Variants in PCDH11X observed in about 807,000 individuals in gnomAD.
PCDH11X encodes the protein protocadherin-11 X-linked.
Under a neutral mutation model 53.3 loss-of-function variants are expected in PCDH11X, and 18 were observed. The observed-to-expected ratio is 0.34, with a 90% CI of 0.23 to 0.50. PCDH11X has a LOEUF of 0.50. PCDH11X is among the 20% of genes least tolerant of loss of function. The pLI, the probability that PCDH11X is intolerant of heterozygous loss-of-function variation, is 0.98. For missense variants in PCDH11X, 570 were observed against 1,032.4 expected (o/e 0.55, Z 6.14); for synonymous variants, 279 against 393.3 (o/e 0.71, Z 3.44).
intron 10 of PCDH11X, among the ~76,000 whole-genome samples, chrX:92,546,467 G>A (rs183875806): frequency 0.01 from 1,107 of 110,580 alleles, 31 homozygotes; most frequent in Admixed American, 0.084. Flanking sequence ...CAATAAAAAT[G>A]TAAATCATAT....
intron 9 of PCDH11X, among the ~76,000 whole-genome samples, chrX:92,403,710 A>C (rs1248442111): frequency 1.8e-5 from 2 of 111,259 alleles, no homozygotes; most frequent in Non-Finnish European, 3.8e-5. Flanking sequence ...GTCACTGCAA[A>C]TGTGTTTTTT....
chrX:91,998,552 CTTTA>C (rs2062457167), intron 6 of PCDH11X, among the ~76,000 whole-genome samples: 1 of 108,722 alleles, frequency 9.2e-6, no homozygotes, highest in African/African-American at 3.3e-5. Flanking sequence ...TATCAATCAT[CTTTA>C]TTGTTTTTTT....
chrX:92,287,834 T>G, intron 8 of PCDH11X: 1 of 443,459 alleles, frequency 2.3e-6, no homozygotes, highest in South Asian at 3.5e-5. Flanking sequence ...TGGTGGGAAG[T>G]GATTGGCTCA....
At chrX:92,046,604 G>A (rs2063292734) in intron 6 of PCDH11X, among the ~76,000 whole-genome samples, 1 of 110,762 alleles carries the variant, frequency 9.0e-6, no homozygotes, top group Admixed American at 9.6e-5. Context: ...TGTGTTGGCT[G>A]ATCCAAAAAT....
chrX:91,824,755 T>A (rs1266564417), intron 4 of PCDH11X, among the ~76,000 whole-genome samples: 2 of 108,935 alleles, frequency 1.8e-5, no homozygotes, highest in African/African-American at 7.0e-5. Context: ...GGCGCTCTGC[T>A]TTTTAGAATT....
chrX:92,188,939 A>C (rs993694332), intron 6 of PCDH11X, among the ~76,000 whole-genome samples: 9 of 111,708 alleles, frequency 8.1e-5, no homozygotes, highest in African/African-American at 2.9e-4. Context: ...AATATAATTT[A>C]ATATAGTCAA....
At position 92,620,976 on chromosome X, in the gene PCDH11X, A is replaced by G. The variant is rs187480073; in HGVS notation, c.*2036A>G. On this transcript the variant is annotated 3_prime_UTR_variant, in exon 11 of 11. Coordinates refer to ENST00000682573, the MANE Select transcript of PCDH11X (RefSeq NM_032968.5). Reference sequence around the variant, plus strand: ...AAAATTTTAAACTTGGGGAAGATTAAGAAAAGAACCAATAGTGACAAAAAT... The same window carrying G: ...AAAATTTTAAACTTGGGGAAGATTAGGAAAAGAACCAATAGTGACAAAAAT... The G allele has an allele frequency of 3.7e-5, 4 of 108,370 alleles. No homozygotes were observed. Among genetic ancestry groups the G allele is most frequent in the African/African-American group, 1.4e-4 (4 of 29,342 alleles). 8.9% of individuals were successfully genotyped at this position (108,370 alleles called of 1,213,427 possible).
intron 7 of PCDH11X, among the ~76,000 whole-genome samples, chrX:92,256,625 C>A (rs750419092): frequency 9.0e-6 from 1 of 110,943 alleles, no homozygotes; most frequent in Non-Finnish European, 1.9e-5. Context: ...AAATGTGTGC[C>A]GTGGTGGTTT....
At chrX:92,432,405 G>A (rs191570633) in intron 9 of PCDH11X, among the ~76,000 whole-genome samples, 4,652 of 109,291 alleles carry the variant, frequency 0.043, 109 homozygotes, top group Non-Finnish European at 0.066. Context: ...ATTCTCCAGC[G>A]TATGATATTA....
At chrX:92,304,641 A>C (rs1203642736) in intron 8 of PCDH11X, among the ~76,000 whole-genome samples, 1 of 111,733 alleles carries the variant, frequency 8.9e-6, no homozygotes, top group Non-Finnish European at 1.9e-5. Context: ...CTTATTCTTC[A>C]GAGGATGAAA....
chrX:92,333,883 G>T (rs973043452), intron 8 of PCDH11X, among the ~76,000 whole-genome samples: 1 of 107,178 alleles, frequency 9.3e-6, no homozygotes, highest in Non-Finnish European at 1.9e-5. Context: ...TTTGAGTTGG[G>T]ATCTACTTTA....
chrX:92,008,982 C>G (rs2062645946), intron 6 of PCDH11X, among the ~76,000 whole-genome samples: 2 of 111,864 alleles, frequency 1.8e-5, no homozygotes, highest in South Asian at 7.3e-4. Context: ...TCGGAACAAA[C>G]AAACTCAAAA....
intron 6 of PCDH11X, among the ~76,000 whole-genome samples, chrX:92,160,338 A>C (rs778991491): frequency 4.5e-5 from 5 of 110,240 alleles, no homozygotes; most frequent in Non-Finnish European, 7.6e-5. Flanking sequence ...TGAGTCCCAA[A>C]GTCTGCTGCA....
At chrX:92,247,963 TA>T (rs2067382664) in intron 7 of PCDH11X, among the ~76,000 whole-genome samples, 1 of 111,718 alleles carries the variant, frequency 9.0e-6, no homozygotes, top group South Asian at 3.7e-4. Flanking sequence ...CTGACAAACA[TA>T]AAAATAATGA....
chrX:92,347,255 T>C (rs1397603970), intron 8 of PCDH11X, among the ~76,000 whole-genome samples: 1 of 111,774 alleles, frequency 8.9e-6, no homozygotes, highest in Non-Finnish European at 1.9e-5. Context: ...AACTTATTCA[T>C]TGACAAGTAA....
Position 92,038,424 on chromosome X carries a change from G to T in PCDH11X, c.3033+159151G>T, listed in dbSNP as rs1292450983. Among the ~76,000 whole-genome samples, 5 of 110,529 alleles carry T rather than the reference G, an allele frequency of 4.5e-5. No homozygotes were observed. In the South Asian group the frequency reaches 1.9e-3, roughly 43 times the overall value. On this transcript the variant is annotated intron_variant, in intron 6 of 10. Transcript: ENST00000682573. Reference sequence around the variant, plus strand: ...ATGGAACTCAGGCCATGGCTTCAGAGGGCGCAAGCCTCAAGCTTTGGCAGT... The same window carrying T: ...ATGGAACTCAGGCCATGGCTTCAGATGGCGCAAGCCTCAAGCTTTGGCAGT...
At chrX:92,610,662 C>A (rs1193623533) in intron 10 of PCDH11X, among the ~76,000 whole-genome samples, 1 of 111,345 alleles carries the variant, frequency 9.0e-6, no homozygotes, top group Non-Finnish European at 1.9e-5. Flanking sequence ...GTCATAAATT[C>A]TTTGCCAAGG....
chrX:92,303,963 G>T (rs938556722), intron 8 of PCDH11X, among the ~76,000 whole-genome samples: 4 of 111,230 alleles, frequency 3.6e-5, no homozygotes, highest in African/African-American at 9.8e-5. Context: ...TTTTATTTTG[G>T]AAGAATAAGA....
At chrX:92,576,205 CT>C (rs11444122) in intron 10 of PCDH11X, among the ~76,000 whole-genome samples, 1 of 100,773 alleles carries the variant, frequency 9.9e-6, no homozygotes. Flanking sequence ...CTGTTCTGCT[CT>C]TTTTTTTGAT....
Sources: allele counts gnomAD v4.1 joint callset (sites outside exome capture counted in the v4.1 genomes callset), GRCh38; gene constraint gnomAD v4.1.1; transcripts MANE v1.5; gene names NCBI Gene and HGNC (gene_info 2026-07-23, HGNC 2026-07-21).